Variants in DNAH14 observed in about 807,000 individuals in gnomAD.
The protein encoded by DNAH14 is axonemal beta dynein heavy chain 14.
DNAH14 carries 478 observed loss-of-function variants against 520.9 expected under a neutral mutation model. The ratio of observed to expected loss-of-function variants is 0.92; its 90% CI spans 0.85 to 0.99. DNAH14 has a LOEUF of 0.99. Ranked by LOEUF, DNAH14 falls within the 50% of genes least tolerant of loss-of-function variation. DNAH14 has a pLI of 0.00. For missense variants in DNAH14, 4,831 were observed against 5,234.5 expected, an observed-to-expected ratio of 0.92 and a Z score of 2.38; for synonymous variants, 1,581 against 1,757.2, an observed-to-expected ratio of 0.90 and a Z score of 2.51.
chr1:225,274,274 T>G (rs2928387), intron 52 of DNAH14, among the ~76,000 whole-genome samples: 3 of 146,168 alleles, frequency 2.1e-5, no homozygotes, highest in South Asian at 2.2e-4. Flanking sequence ...GCGCGATCTC[T>G]GCTCACTGCA....
At chr1:225,206,468 A>C (rs973848442) in intron 40 of DNAH14, among the ~76,000 whole-genome samples, 1 of 152,182 alleles carries the variant, frequency 6.6e-6, no homozygotes, top group Non-Finnish European at 1.5e-5. Flanking sequence ...TTATTTTTTC[A>C]ATAGAGGAAG....
At chr1:224,956,832 G>A (rs1330861322) in intron 3 of DNAH14, among the ~76,000 whole-genome samples, 2 of 152,096 alleles carry the variant, frequency 1.3e-5, no homozygotes, top group Non-Finnish European at 2.9e-5. Flanking sequence ...ACAGATAGCT[G>A]TGTTTGCAGG....
intron 27 of DNAH14, among the ~76,000 whole-genome samples, chr1:225,138,793 C>G (rs1385895092): frequency 6.6e-6 from 1 of 152,118 alleles, no homozygotes; most frequent in African/African-American, 2.4e-5. Flanking sequence ...TGTCCCCCCT[C>G]CCCAACCCCA....
At position 225,144,430 on chromosome 1, in the gene DNAH14, G is replaced by T. The variant is rs1258654830; in HGVS notation, c.4542G>T (p.Lys1514Asn). The change falls in exon 29 of 86, where the codon AAG becomes AAT. Residue 1514 changes from lysine to asparagine, a missense_variant. Coordinates refer to ENST00000682510, the MANE Select transcript of DNAH14 (RefSeq NM_001367479.1). ...AATATAAATGGAATGAAAAACAAAA[G>T]TTGTGCTATGTGTCTCAAGGAAATG... ...HLQYKWNEKQ[K>N]LCYVSQGNAS... 1.3e-6 allele frequency: 2 copies of T among 1,551,284 alleles called. No homozygotes were observed. The highest frequency in any genetic ancestry group is 1.7e-6 in the Non-Finnish European group (2 of 1,146,858).
At chr1:225,073,559 G>T (rs2071812472) in intron 17 of DNAH14, among the ~76,000 whole-genome samples, 1 of 152,228 alleles carries the variant, frequency 6.6e-6, no homozygotes, top group Non-Finnish European at 1.5e-5. Context: ...GAGCCCAGAG[G>T]ATGGAATGAC....
chr1:225,396,508 C>A (rs1468531722), intron 84 of DNAH14: 1 of 152,202 alleles, frequency 6.6e-6, no homozygotes, highest in Non-Finnish European at 1.5e-5. Context: ...ACTCTACACC[C>A]ATAGCCTAAC....
chr1:225,016,699 C>T (rs1246604451), intron 10 of DNAH14, among the ~76,000 whole-genome samples: 1 of 151,966 alleles, frequency 6.6e-6, no homozygotes, highest in African/African-American at 2.4e-5. Context: ...TAATGGTGTT[C>T]CATAAATCCT....
chr1:225,122,527 T>C (rs1308164029), intron 26 of DNAH14, among the ~76,000 whole-genome samples: 1 of 152,186 alleles, frequency 6.6e-6, no homozygotes, highest in African/African-American at 2.4e-5. Flanking sequence ...CATTAAAAGA[T>C]TTTGTCAAAA....
At chr1:225,070,478 A>G (rs1256738711) in intron 17 of DNAH14, among the ~76,000 whole-genome samples, 1 of 152,196 alleles carries the variant, frequency 6.6e-6, no homozygotes, top group Non-Finnish European at 1.5e-5. Flanking sequence ...AAAGTCATTC[A>G]GGAGCAGCTT....
At chr1:225,036,153 T>C (rs557087001) in intron 11 of DNAH14, among the ~76,000 whole-genome samples, 10 of 152,238 alleles carry the variant, frequency 6.6e-5, no homozygotes, top group African/African-American at 2.2e-4. Context: ...GTTTTGTTTT[T>C]GAGATAGAGT....
intron 17 of DNAH14, among the ~76,000 whole-genome samples, chr1:225,073,587 A>G (rs566645598): frequency 1.3e-5 from 2 of 152,348 alleles, no homozygotes; most frequent in African/African-American, 4.8e-5. Context: ...CCCAAACAGC[A>G]AAGATGGCGG....
intron 7 of DNAH14, among the ~76,000 whole-genome samples, chr1:224,970,237 G>A (rs532559481): frequency 6.2e-4 from 94 of 152,168 alleles, no homozygotes; most frequent in African/African-American, 2.0e-3. Flanking sequence ...CCCCAGTCCC[G>A]TAACGCTCCC....
intron 11 of DNAH14, among the ~76,000 whole-genome samples, chr1:225,034,918 CAT>C (rs2066833246): frequency 6.6e-6 from 1 of 151,950 alleles, no homozygotes; most frequent in Admixed American, 6.6e-5. Flanking sequence ...TCAGTAGTAA[CAT>C]TCCCTTCATT....
At chr1:224,986,521 G>A (rs963396849) in intron 8 of DNAH14, among the ~76,000 whole-genome samples, 1 of 148,924 alleles carries the variant, frequency 6.7e-6, no homozygotes, top group Non-Finnish European at 1.5e-5. Context: ...CATATTGATT[G>A]ATATGCAAAG....
In DNAH14 at chr1:225,289,803, G is replaced by A. The variant is rs185169747; in HGVS notation, c.8272-82G>A. On this transcript the variant is annotated intron_variant, in intron 54 of 85. Coordinates refer to ENST00000682510, the MANE Select transcript of DNAH14 (RefSeq NM_001367479.1). ...GGGTATTTTTACATCAAAATTTCTA[G>A]CACAAATAATAAACAGAAAACTATA... is the stretch of plus-strand genomic sequence containing the variant. 1.9e-4 allele frequency: 190 copies of A among 1,005,078 alleles called. 2 individuals are homozygous for A. The East Asian group carries it at 5.3e-3, about 28-fold the overall frequency. 62.3% of individuals were successfully genotyped at this position (1,005,078 alleles called of 1,614,324 possible). A position where few individuals can be genotyped will look rare whatever the true frequency, so the allele number is the denominator to read the frequency against.
chr1:225,126,861 C>T (rs2077766222), intron 27 of DNAH14, among the ~76,000 whole-genome samples: 1 of 151,808 alleles, frequency 6.6e-6, no homozygotes, highest in African/African-American at 2.4e-5. Flanking sequence ...ATAAATTTCC[C>T]TCTACACACT....
intron 80 of DNAH14, among the ~76,000 whole-genome samples, 200 bp from the exon 81 acceptor site, chr1:225,381,183 G>T (rs1021809985): frequency 6.6e-6 from 1 of 152,086 alleles, no homozygotes; most frequent in East Asian, 1.9e-4. Context: ...CACTACAAGG[G>T]GAGAGCTGAG....
chr1:225,002,812 C>A lies in DNAH14; in HGVS notation c.860C>A (p.Ala287Asp), dbSNP rs2063862925. 1 of 1,548,424 alleles carries A rather than the reference C, an allele frequency of 6.5e-7. No individual in the cohort carries two copies. Among genetic ancestry groups the A allele is most frequent in the South Asian group, 1.2e-5 (1 of 83,634 alleles). ...RSFLYHHLFL[A>D]DDLFQTCLVY... is the part of the protein sequence containing the mutation. The stretch of plus-strand genomic sequence containing the variant: ...TTTTTGTACCACCATCTTTTTTTGG[C>A]TGATGACTTGTTTCAAACCTGTTTG... The change falls in exon 9 of 86, where the codon GCT (alanine) becomes GAT (aspartate). Residue 287 changes from alanine (A) to aspartate (D), a missense_variant. Transcript: ENST00000682510.
At position 225,163,732 on chromosome 1, in the gene DNAH14, A is replaced by C. The variant is rs140123119; in HGVS notation, c.5446-4207A>C. Among the ~76,000 whole-genome samples, 315 of 152,054 alleles carry C rather than the reference A, an allele frequency of 2.1e-3. 1 individual carries two copies. Among genetic ancestry groups the C allele is most frequent in the African/African-American group, 7.3e-3 (301 of 41,478 alleles). On this transcript the variant is annotated intron_variant, in intron 35 of 85. Transcript: ENST00000682510. ...ACTTGGTCATAATGAATAATTTTTAAATGTTTTGTTGAATTTGGTTTGCTA... is the reference window on the plus strand; with the variant it reads ...ACTTGGTCATAATGAATAATTTTTACATGTTTTGTTGAATTTGGTTTGCTA...
Sources: allele counts gnomAD v4.1 joint callset (sites outside exome capture counted in the v4.1 genomes callset), GRCh38; gene constraint gnomAD v4.1.1; transcripts MANE v1.5; gene names NCBI Gene and HGNC (gene_info 2026-07-23, HGNC 2026-07-21).